TTYH3: variants seen among roughly 807,000 people sequenced by gnomAD.
TTYH3 encodes protein tweety homolog 3.
In TTYH3, 23 loss-of-function variants were observed where a neutral mutation model predicts 68.2. The ratio of observed to expected loss-of-function variants is 0.34; its 90% CI spans 0.24 to 0.48. The LOEUF is 0.48. TTYH3 is among the 20% of genes least tolerant of loss of function. The pLI is 0.99. For missense variants in TTYH3, 768 were observed against 727.7 expected, an observed-to-expected ratio of 1.06 and a Z score of -0.64; for synonymous variants, 360 against 332.8, an observed-to-expected ratio of 1.08 and a Z score of -0.89.
intron 6 of TTYH3, 96 bp downstream of exon 6, chr7:2,649,735 G>A (rs367701846): frequency 7.3e-6 from 11 of 1,501,382 alleles, no homozygotes; most frequent in South Asian, 2.3e-5. Context: ...CCATCTTCCC[G>A]GGCACTGGGT....
rs1785952062 is a variant in TTYH3, at chr7:2,645,329, C to T, written c.124-1524C>T. On this transcript the variant is annotated intron_variant, in intron 1 of 13. Coordinates refer to ENST00000258796, the MANE Select transcript of TTYH3 (RefSeq NM_025250.3). The surrounding 1 kb of genome is among the most constrained non-coding windows in gnomAD (Gnocchi z 4.8). Reference sequence around the variant, plus strand: ...CTGTAGCTTCTATGAAGCCCAGTTTCCCTGTGGATGAAATGGGGTGAGAGC... The same window carrying T: ...CTGTAGCTTCTATGAAGCCCAGTTTTCCTGTGGATGAAATGGGGTGAGAGC... 6.6e-6 allele frequency among the ~76,000 whole-genome samples: 1 copy of T among 152,216 alleles called. No individual in the cohort carries two copies. Among genetic ancestry groups the T allele is most frequent in the South Asian group, 2.1e-4 (1 of 4,830 alleles).
intron 5 of TTYH3, among the ~76,000 whole-genome samples, chr7:2,649,358 C>T (rs1006995128): frequency 1.3e-5 from 2 of 152,126 alleles, no homozygotes; most frequent in Non-Finnish European, 2.9e-5. Context: ...CAGCTCAGAT[C>T]TCTGAGCCCC....
chr7:2,654,143 T>C (rs1345183183), intron 9 of TTYH3, among the ~76,000 whole-genome samples: 1 of 152,094 alleles, frequency 6.6e-6, no homozygotes, highest in African/African-American at 2.4e-5. Context: ...GCCTGTCATC[T>C]CAGCACTCTG....
intron 11 of TTYH3, among the ~76,000 whole-genome samples, chr7:2,657,356 A>G (rs1449999042): frequency 6.7e-6 from 1 of 148,934 alleles, no homozygotes; most frequent in Non-Finnish European, 1.5e-5. Flanking sequence ...GATGGTGGTG[A>G]TGATGGTGAT....
At chr7:2,644,877 A>G (rs993288780) in intron 1 of TTYH3, among the ~76,000 whole-genome samples, 52 of 152,184 alleles carry the variant, frequency 3.4e-4, no homozygotes, top group African/African-American at 1.2e-3. Flanking sequence ...CTGCCTGGCA[A>G]CCGTCTCCTG....
chr7:2,653,662 A>G (rs564757239), intron 9 of TTYH3, among the ~76,000 whole-genome samples: 26 of 152,366 alleles, frequency 1.7e-4, no homozygotes, highest in African/African-American at 4.8e-4. Flanking sequence ...CAGGAATTCA[A>G]TACCAGCCTG....
At chr7:2,637,267 G>A (rs1268686053) in intron 1 of TTYH3, among the ~76,000 whole-genome samples, 1 of 152,132 alleles carries the variant, frequency 6.6e-6, no homozygotes, top group Non-Finnish European at 1.5e-5. Flanking sequence ...CCCCCGGCCG[G>A]GGGCTCTTGG....
At chr7:2,649,833 AG>A in intron 6 of TTYH3, 79 bp from the exon 7 acceptor site, 2 of 1,539,652 alleles carry the variant, frequency 1.3e-6, no homozygotes, top group Admixed American at 1.7e-5. Flanking sequence ...AGCAGACTCC[AG>A]GGGACGGGTT....
chr7:2,635,913 A>T (rs1785644833), intron 1 of TTYH3, among the ~76,000 whole-genome samples: 1 of 152,200 alleles, frequency 6.6e-6, no homozygotes, highest in African/African-American at 2.4e-5. Context: ...AAAGGCCCTG[A>T]GGCAGAGAGA....
Position 2,663,518 on chromosome 7 carries a change from G to T in TTYH3, c.*1779G>T, listed in dbSNP as rs1341624648. ...GGCATGACCAAACCTCAGTGGAGGG[G>T]CCTCTGCTTCAGGCCCCGCCTGGCT... On this transcript the variant is annotated 3_prime_UTR_variant, in exon 14 of 14. Coordinates refer to ENST00000258796, the MANE Select transcript of TTYH3 (RefSeq NM_025250.3). 1.3e-5 allele frequency: 2 copies of T among 152,504 alleles called. No individual in the cohort carries two copies. The highest frequency in any genetic ancestry group is 2.9e-5 in the Non-Finnish European group (2 of 68,072). The allele number at this position is 152,504 out of a possible 1,614,324, so 9.4% of individuals were successfully genotyped here.
At chr7:2,637,909 C>T (rs1198357145) in intron 1 of TTYH3, among the ~76,000 whole-genome samples, 2 of 152,074 alleles carry the variant, frequency 1.3e-5, no homozygotes, top group East Asian at 1.9e-4. Flanking sequence ...CCATGTTGGC[C>T]GAGGGTGTGG....
chr7:2,643,903 TGTGA>T (rs1299356474), intron 1 of TTYH3, among the ~76,000 whole-genome samples: 11 of 152,144 alleles, frequency 7.2e-5, no homozygotes, highest in Admixed American at 5.9e-4. Context: ...CCTGCGAGGC[TGTGA>T]GTCCCAGATG....
rs567748207 is a variant in TTYH3 at position 2,645,721 on chromosome 7, C to T, written c.124-1132C>T. 4.7e-5 allele frequency: 22 copies of T among 465,334 alleles called. No individual in the cohort carries two copies. The highest frequency in any genetic ancestry group is 3.2e-4 in the African/African-American group (16 of 49,990). The allele number at this position is 465,334 out of a possible 1,614,324, so 28.8% of individuals were successfully genotyped here. On this transcript the variant is annotated intron_variant, in intron 1 of 13. Transcript: ENST00000258796. The surrounding 1 kb of genome is among the most constrained non-coding windows in gnomAD (Gnocchi z 4.8). ...GAGTGCAGCTTCTCGGTGCACAGAC[C>T]CCAGACAGGATCAGACTCCTGATGG...
In TTYH3 at chr7:2,647,262, C is replaced by T. The variant is rs759854266; in HGVS notation, c.405+9C>T. ...CCGGGGTCCAGGACCGCGTGAGTGG[C>T]CGCGGAGTTGGGGCCAGGAGCACTC... On this transcript the variant is annotated intron_variant, in intron 3 of 13. Transcript: ENST00000258796. 6.4e-6 allele frequency: 10 copies of T among 1,572,156 alleles called. 1 individual carries two copies. In the South Asian group the frequency reaches 1.2e-4, roughly 18 times the overall value.
chr7:2,641,877 C>T (rs931601734), intron 1 of TTYH3, among the ~76,000 whole-genome samples: 7 of 152,330 alleles, frequency 4.6e-5, no homozygotes, highest in Non-Finnish European at 5.9e-5. Context: ...AGCAGCTGCC[C>T]GGTTTGCTGA....
Position 2,646,788 on chromosome 7 carries a change from G to C in TTYH3, c.124-65G>C, listed in dbSNP as rs149466732. On this transcript the variant is annotated intron_variant, in intron 1 of 13. Coordinates refer to ENST00000258796, the MANE Select transcript of TTYH3 (RefSeq NM_025250.3). The stretch of plus-strand genomic sequence containing the variant: ...GGAGTCTGCGCCAGGTCCCCTGCTG[G>C]GGCGGGGCGTGGGACTCTGAGCTGG... The C allele has an allele frequency of 5.8e-5, 87 of 1,491,704 alleles. No homozygotes were observed. In the African/African-American group the frequency reaches 9.1e-4, roughly 16 times the overall value. 92.4% of individuals were successfully genotyped at this position (1,491,704 alleles called of 1,614,324 possible).
chr7:2,657,413 GTGGTGGTGATGGTGA>G (rs1249701091), intron 11 of TTYH3, among the ~76,000 whole-genome samples: 2 of 124,210 alleles, frequency 1.6e-5, no homozygotes, highest in African/African-American at 8.4e-5. Context: ...GGTGGTTGTG[GTGGTGGTGATGGTGA>G]TGGTGATGGT....
chr7:2,632,285 TG>T lies in TTYH3; in HGVS notation c.123+10del. Reference sequence around the variant, plus strand: ...GGACACCGACTACCAGCAGGTGACATGGGCCTCTCGGGGTCGCGGGGTCAGG... The same window carrying T: ...GGACACCGACTACCAGCAGGTGACATGGCCTCTCGGGGTCGCGGGGTCAGG... On this transcript the variant is annotated splice_region_variant and intron_variant, in intron 1 of 13. Transcript: ENST00000258796. The T allele has an allele frequency of 6.4e-7, 1 of 1,572,156 alleles. No homozygotes were observed. The highest frequency in any genetic ancestry group is 8.6e-7 in the Non-Finnish European group (1 of 1,156,172).
rs1484715104 is a variant in TTYH3 at position 2,632,072 on chromosome 7, C to T, written c.-84C>T. 2.5e-4 allele frequency: 292 copies of T among 1,188,826 alleles called. 5 individuals are homozygous for T. In the East Asian group the frequency reaches 9.3e-3, roughly 38 times the overall value. The allele number at this position is 1,188,826 out of a possible 1,614,324, so 73.6% of individuals were successfully genotyped here. A position where few individuals can be genotyped will look rare whatever the true frequency, so the allele number is the denominator to read the frequency against. ...ATGATGCGGGCGGCCAGGCGGGGGT[C>T]GACGGGTCCCTGAAGCCCGCGCCCC... On this transcript the variant is annotated 5_prime_UTR_variant, in exon 1 of 14. Coordinates refer to ENST00000258796, the MANE Select transcript of TTYH3 (RefSeq NM_025250.3).
Sources: allele counts gnomAD v4.1 joint callset (sites outside exome capture counted in the v4.1 genomes callset), GRCh38; gene constraint gnomAD v4.1.1; non-coding constraint Gnocchi (gnomAD v3.1); transcripts MANE v1.5; gene names NCBI Gene and HGNC (gene_info 2026-07-23, HGNC 2026-07-21).